Variants in STK39 observed in about 807,000 individuals in gnomAD.
The protein encoded by STK39 is serine/threonine kinase 39.
Under a neutral mutation model 77.8 loss-of-function variants are expected in STK39, and 20 were observed. That is an observed-to-expected ratio of 0.26 (90% CI 0.18 to 0.37). The LOEUF (loss-of-function observed/expected upper bound fraction) is 0.37. Among genes scored for constraint, STK39 ranks in the 10% least tolerant of loss-of-function variants. The pLI, the probability that STK39 is intolerant of heterozygous loss-of-function variation, is 1.00. For missense variants in STK39, 479 were observed against 656.5 expected, an observed-to-expected ratio of 0.73 and a Z score of 2.95; for synonymous variants, 246 against 234.1, an observed-to-expected ratio of 1.05 and a Z score of -0.47.
chr2:168,085,173 A>G (rs953152476), intron 10 of STK39, among the ~76,000 whole-genome samples: 2 of 152,258 alleles, frequency 1.3e-5, no homozygotes, highest in Non-Finnish European at 2.9e-5. Flanking sequence ...CAGATCCTAA[A>G]CTTTTGCTGG....
At chr2:168,074,567 T>C (rs1686026214) in intron 12 of STK39, among the ~76,000 whole-genome samples, 1 of 152,242 alleles carries the variant, frequency 6.6e-6, no homozygotes, top group South Asian at 2.1e-4. Context: ...ACCATTTTAA[T>C]ATCTACTTTA....
At chr2:168,221,733 A>T (rs575198435) in intron 1 of STK39, among the ~76,000 whole-genome samples, 25 of 152,276 alleles carry the variant, frequency 1.6e-4, no homozygotes, top group Admixed American at 3.9e-4. Flanking sequence ...CAAGTTCCTC[A>T]AGGTCAGACC....
intron 10 of STK39, among the ~76,000 whole-genome samples, chr2:168,116,639 C>G (rs557310778): frequency 1.2e-4 from 19 of 152,292 alleles, no homozygotes; most frequent in African/African-American, 4.6e-4. Context: ...GTACCACACC[C>G]CCTGCTGGCC....
At chr2:168,216,784 G>C (rs1690035066) in intron 1 of STK39, among the ~76,000 whole-genome samples, 1 of 152,238 alleles carries the variant, frequency 6.6e-6, no homozygotes, top group African/African-American at 2.4e-5. Context: ...ATGATCTCAT[G>C]AACAGCAGCG....
chr2:168,185,388 G>C (rs549991772), intron 1 of STK39, among the ~76,000 whole-genome samples: 1 of 152,022 alleles, frequency 6.6e-6, no homozygotes, highest in African/African-American at 2.4e-5. Context: ...AGTAATTCCC[G>C]ACTAAGAACA....
chr2:168,184,152 G>T (rs1051590511), intron 1 of STK39, among the ~76,000 whole-genome samples: 1 of 152,138 alleles, frequency 6.6e-6, no homozygotes, highest in African/African-American at 2.4e-5. Flanking sequence ...CAAAACAAGC[G>T]TATGTAATAC....
intron 17 of STK39, among the ~76,000 whole-genome samples, chr2:167,959,865 C>T (rs557287294): frequency 3.3e-5 from 5 of 152,204 alleles, no homozygotes; most frequent in East Asian, 3.9e-4. Flanking sequence ...TTACCCACCA[C>T]GGCTTTACAC....
intron 14 of STK39, among the ~76,000 whole-genome samples, chr2:168,033,259 AAAAG>A (rs1684871823): frequency 1.3e-5 from 2 of 152,212 alleles, no homozygotes; most frequent in Non-Finnish European, 2.9e-5. Flanking sequence ...AGAAAAAAAA[AAAAG>A]AGTTTCTGGG....
chr2:167,978,875 AC>A (rs1454074628), intron 16 of STK39, among the ~76,000 whole-genome samples: 1 of 150,794 alleles, frequency 6.6e-6, no homozygotes, highest in Non-Finnish European at 1.5e-5. Context: ...TCTAGTACAT[AC>A]CCATTTTATC....
intron 8 of STK39, among the ~76,000 whole-genome samples, chr2:168,135,808 C>T (rs777301424): frequency 2.6e-5 from 4 of 152,102 alleles, no homozygotes; most frequent in Non-Finnish European, 4.4e-5. Flanking sequence ...CAGTCTATAG[C>T]TGCTTGGTAT....
intron 1 of STK39, among the ~76,000 whole-genome samples, chr2:168,220,646 T>C (rs1251334432): frequency 6.6e-6 from 1 of 152,196 alleles, no homozygotes; most frequent in African/African-American, 2.4e-5. Flanking sequence ...GTCATTTCAA[T>C]TGCATCAAGA....
intron 2 of STK39, among the ~76,000 whole-genome samples, chr2:168,172,545 A>T (rs530547369): frequency 9.6e-4 from 146 of 152,356 alleles, no homozygotes; most frequent in Admixed American, 3.1e-3. Flanking sequence ...AGGGTTCAGA[A>T]CAAAGAGAAA....
chr2:168,232,482 A>G (rs760790428), intron 1 of STK39, among the ~76,000 whole-genome samples: 4 of 152,222 alleles, frequency 2.6e-5, no homozygotes, highest in Non-Finnish European at 5.9e-5. Context: ...ATAGACGAAC[A>G]AAACGAGCAT....
At position 168,104,356 on chromosome 2, in the gene STK39, T is replaced by C. The variant is rs183337074; in HGVS notation, c.1089+25185A>G. 3.3e-5 allele frequency among the ~76,000 whole-genome samples: 5 copies of C among 152,230 alleles called. 1 individual carries two copies. The East Asian group carries it at 9.6e-4, about 29-fold the overall frequency. On this transcript the variant is annotated intron_variant, in intron 10 of 17. Coordinates refer to ENST00000355999, the MANE Select transcript of STK39 (RefSeq NM_013233.3). The stretch of plus-strand genomic sequence containing the variant: ...AACATGCAAAACACTGGCCTAGTCA[T>C]CAAGCAGGAACTCACAACGAGAAAA...
intron 16 of STK39, among the ~76,000 whole-genome samples, chr2:167,989,523 G>A (rs1345386248): frequency 6.6e-6 from 1 of 152,112 alleles, no homozygotes; most frequent in African/African-American, 2.4e-5. Flanking sequence ...GAAGAGAGCT[G>A]GTAAATTTGG....
intron 17 of STK39, among the ~76,000 whole-genome samples, chr2:167,963,023 T>G (rs1292682805): frequency 6.6e-6 from 1 of 152,094 alleles, no homozygotes; most frequent in African/African-American, 2.4e-5. Flanking sequence ...CGGTTTACAA[T>G]AGGGCAGTGG....
intron 16 of STK39, among the ~76,000 whole-genome samples, chr2:167,975,854 G>A (rs983365463): frequency 1.2e-4 from 19 of 152,186 alleles, no homozygotes; most frequent in Non-Finnish European, 2.4e-4. Flanking sequence ...CCAAGGTCAT[G>A]CCCTCTCTTC....
chr2:167,972,352 C>T (rs971530043), intron 16 of STK39, among the ~76,000 whole-genome samples: 1 of 152,144 alleles, frequency 6.6e-6, no homozygotes, highest in Non-Finnish European at 1.5e-5. Flanking sequence ...ATTGTTCTGC[C>T]ATAAAGAGGG....
At chr2:168,174,254 G>C (rs1246566569) in intron 2 of STK39, among the ~76,000 whole-genome samples, 8 of 152,204 alleles carry the variant, frequency 5.3e-5, no homozygotes, top group Non-Finnish European at 4.4e-5. Flanking sequence ...CAGGGCAATT[G>C]AAGGTCTGGA....
Sources: allele counts gnomAD v4.1 joint callset (sites outside exome capture counted in the v4.1 genomes callset), GRCh38; gene constraint gnomAD v4.1.1; transcripts MANE v1.5; gene names NCBI Gene and HGNC (gene_info 2026-07-23, HGNC 2026-07-21).